RYR3: variants seen among roughly 807,000 people sequenced by gnomAD.
The protein encoded by RYR3 is brain ryanodine receptor-calcium release channel.
A neutral mutation model predicts 584.3 loss-of-function variants in RYR3; 207 were observed. That is an observed-to-expected ratio of 0.35 (90% CI 0.32 to 0.40). RYR3 has a LOEUF of 0.40. Ranked by LOEUF, RYR3 falls within the 10% of genes least tolerant of loss-of-function variation. The pLI is 1.00. For missense variants in RYR3, 5,616 were observed against 6,089.2 expected (o/e 0.92, Z 2.59); for synonymous variants, 2,416 against 2,248.5 (o/e 1.07, Z -2.11).
intron 38 of RYR3, among the ~76,000 whole-genome samples, chr15:33,678,444 G>A (rs891532026): frequency 7.9e-5 from 12 of 152,158 alleles, no homozygotes; most frequent in Non-Finnish European, 1.8e-4. Flanking sequence ...ACAATTGTAA[G>A]TTTTCTGAGG....
At chr15:33,441,729 C>T (rs759223729) in intron 1 of RYR3, among the ~76,000 whole-genome samples, 1 of 152,148 alleles carries the variant, frequency 6.6e-6, no homozygotes, top group Non-Finnish European at 1.5e-5. Flanking sequence ...CTACTTTATA[C>T]ATTTGGATAC....
At chr15:33,321,155 A>G (rs1396672131) in intron 1 of RYR3, among the ~76,000 whole-genome samples, 2 of 152,318 alleles carry the variant, frequency 1.3e-5, no homozygotes, top group East Asian at 3.9e-4. Flanking sequence ...CTACACAAAA[A>G]TTCATCATCT....
chr15:33,851,948 T>G (rs993568325), intron 94 of RYR3: 6 of 152,160 alleles, frequency 3.9e-5, no homozygotes, highest in Non-Finnish European at 7.3e-5. Context: ...ACACCAGCAT[T>G]TGTTTTTGCT....
intron 18 of RYR3, among the ~76,000 whole-genome samples, chr15:33,603,778 G>T (rs1022995538): frequency 6.6e-6 from 1 of 152,160 alleles, no homozygotes; most frequent in Admixed American, 6.5e-5. Flanking sequence ...GCATAAAGAT[G>T]GTTCAGTAAT....
chr15:33,595,452 T>C (rs971928050), intron 16 of RYR3, among the ~76,000 whole-genome samples: 4 of 152,134 alleles, frequency 2.6e-5, no homozygotes, highest in African/African-American at 9.7e-5. Flanking sequence ...CATATACTGG[T>C]TTTGCATCAG....
chr15:33,373,725 A>G (rs1324141797), intron 1 of RYR3, among the ~76,000 whole-genome samples: 1 of 152,206 alleles, frequency 6.6e-6, no homozygotes, highest in East Asian at 1.9e-4. Flanking sequence ...AGGCATCACA[A>G]TGCTTAGTTC....
intron 14 of RYR3, among the ~76,000 whole-genome samples, chr15:33,581,965 A>T (rs1286494130): frequency 3.9e-5 from 6 of 152,122 alleles, no homozygotes; most frequent in African/African-American, 1.4e-4. Context: ...CCAGTTTTAA[A>T]CTTCTGCAAA....
chr15:33,436,288 C>A (rs1184210439), intron 1 of RYR3, among the ~76,000 whole-genome samples: 1 of 151,998 alleles, frequency 6.6e-6, no homozygotes, highest in Non-Finnish European at 1.5e-5. Flanking sequence ...ATTTTACCAT[C>A]AAGGTTGAGC....
At chr15:33,486,309 A>G (rs1026476014) in intron 2 of RYR3, among the ~76,000 whole-genome samples, 1 of 152,192 alleles carries the variant, frequency 6.6e-6, no homozygotes, top group Admixed American at 6.5e-5. Flanking sequence ...TTCCTTGCCC[A>G]TTCCATTTTC....
chr15:33,357,370 G>A (rs779493013), intron 1 of RYR3, among the ~76,000 whole-genome samples: 1 of 152,126 alleles, frequency 6.6e-6, no homozygotes, highest in African/African-American at 2.4e-5. Flanking sequence ...GGTGAGTCCC[G>A]GTAGGTGAGG....
At chr15:33,646,171 T>C in intron 28 of RYR3, 180 bp from the exon 29 acceptor site, 1 of 535,262 alleles carries the variant, frequency 1.9e-6, no homozygotes, top group Non-Finnish European at 3.3e-6. Context: ...AGCAGATCTG[T>C]TTCTTCCTAC....
intron 38 of RYR3, among the ~76,000 whole-genome samples, chr15:33,679,917 T>C (rs2064464990): frequency 6.6e-6 from 1 of 152,178 alleles, no homozygotes; most frequent in African/African-American, 2.4e-5. Flanking sequence ...TATTATAATA[T>C]AAAGTTAAAG....
At chr15:33,683,577 A>G (rs920882214) in intron 38 of RYR3, among the ~76,000 whole-genome samples, 2 of 152,188 alleles carry the variant, frequency 1.3e-5, no homozygotes, top group Admixed American at 1.3e-4. Flanking sequence ...GACACAGAAG[A>G]CGGGTGATTT....
intron 1 of RYR3, among the ~76,000 whole-genome samples, chr15:33,315,799 A>C (rs1968083531): frequency 6.6e-6 from 1 of 152,214 alleles, no homozygotes; most frequent in Non-Finnish European, 1.5e-5. Flanking sequence ...TTCTCTGCCA[A>C]GGCAAGATTG....
intron 18 of RYR3, among the ~76,000 whole-genome samples, chr15:33,607,824 A>G (rs574902478): frequency 1.3e-5 from 2 of 152,348 alleles, no homozygotes; most frequent in South Asian, 4.1e-4. Context: ...AAACACAAAC[A>G]AATAGCACTT....
chr15:33,637,394 G>C (rs2061553344), intron 27 of RYR3, among the ~76,000 whole-genome samples: 1 of 152,252 alleles, frequency 6.6e-6, no homozygotes, highest in Non-Finnish European at 1.5e-5. Flanking sequence ...CCTGCTGTGT[G>C]AATGCCCTTA....
In RYR3 at chr15:33,670,210, CTTG is replaced by C. The variant is rs2063760767; in HGVS notation, c.5723-203_5723-201del. Among the ~76,000 whole-genome samples the C allele has an allele frequency of 3.4e-5, 5 of 147,946 alleles. No homozygotes were observed. The South Asian group carries it at 6.8e-4, about 20-fold the overall frequency. ...AACACATGTTTTAGGATTAAACTTACTTGTTGTTCTGATAAACAGGAAATCAAT... is the reference window on the plus strand; with the variant it reads ...AACACATGTTTTAGGATTAAACTTACTTGTTCTGATAAACAGGAAATCAAT... On this transcript the variant is annotated intron_variant, in intron 37 of 103. Transcript: ENST00000634891.
chr15:33,580,410 C>G (rs2058530446), intron 13 of RYR3, among the ~76,000 whole-genome samples: 1 of 152,130 alleles, frequency 6.6e-6, no homozygotes, highest in African/African-American at 2.4e-5. Context: ...CAGTAAATTT[C>G]AGCTGTGAGA....
At chr15:33,573,334 A>T (rs1247817602) in intron 12 of RYR3, among the ~76,000 whole-genome samples, 1 of 152,218 alleles carries the variant, frequency 6.6e-6, no homozygotes, top group Non-Finnish European at 1.5e-5. Flanking sequence ...TCTTTTGAGA[A>T]ACCAACTTTG....
Sources: gnomAD v4.1 joint callset for allele counts (sites outside exome capture counted in the v4.1 genomes callset) on GRCh38, gnomAD v4.1.1 for gene constraint, MANE v1.5 for transcripts, NCBI Gene and HGNC (gene_info 2026-07-23, HGNC 2026-07-21) for gene names.